The following CLIC4 variants were observed in gnomAD, a reference collection of about 807,000 sequenced individuals.
CLIC4 encodes the protein CLIC family member 4, also known as chloride intracellular channel protein 4.
A neutral mutation model predicts 24.6 loss-of-function variants in CLIC4; 13 were observed. The ratio of observed to expected loss-of-function variants is 0.53; its 90% CI spans 0.34 to 0.84. The LOEUF (loss-of-function observed/expected upper bound fraction) is 0.84. Among genes scored for constraint, CLIC4 ranks in the 40% least tolerant of loss-of-function variants. The pLI is 0.01. For missense variants in CLIC4, 227 were observed against 301.7 expected (o/e 0.75, Z 1.83); for synonymous variants, 104 against 111.3 (o/e 0.93, Z 0.41).
At chr1:24,782,870 T>C (rs1398362969) in intron 1 of CLIC4, among the ~76,000 whole-genome samples, 1 of 152,110 alleles carries the variant, frequency 6.6e-6, no homozygotes, top group Non-Finnish European at 1.5e-5. Context: ...TCCTAGCTAC[T>C]GCAGAGGCTG....
chr1:24,795,677 T>A (rs1325071323), intron 1 of CLIC4, among the ~76,000 whole-genome samples: 1 of 152,182 alleles, frequency 6.6e-6, no homozygotes. Context: ...TTCAAGCAAT[T>A]CTCCTGTCTC....
intron 1 of CLIC4, among the ~76,000 whole-genome samples, chr1:24,786,436 G>C (rs1412100094): frequency 1.3e-5 from 2 of 152,184 alleles, no homozygotes; most frequent in African/African-American, 4.8e-5. Context: ...TACCACAGGG[G>C]TGTGAAGGGA....
At chr1:24,753,237 A>G (rs978311035) in intron 1 of CLIC4, among the ~76,000 whole-genome samples, 4 of 152,210 alleles carry the variant, frequency 2.6e-5, no homozygotes, top group African/African-American at 9.7e-5. Context: ...CTTGGGCTAG[A>G]TGATCACAAA....
intron 3 of CLIC4, among the ~76,000 whole-genome samples, chr1:24,817,306 A>G (rs1042131425): frequency 1.3e-5 from 2 of 151,494 alleles, no homozygotes; most frequent in East Asian, 3.9e-4. Flanking sequence ...TTCTAGATAG[A>G]TCAGCTAGAT....
At chr1:24,839,385 G>A (rs190432311) in intron 4 of CLIC4, among the ~76,000 whole-genome samples, 11 of 152,006 alleles carry the variant, frequency 7.2e-5, no homozygotes, top group Admixed American at 7.2e-4. Context: ...CTGCAAGCTC[G>A]GCCTCCCGGG....
intron 1 of CLIC4, among the ~76,000 whole-genome samples, chr1:24,795,797 C>T (rs998726636): frequency 3.9e-5 from 6 of 151,900 alleles, no homozygotes; most frequent in Admixed American, 3.3e-4. Flanking sequence ...CTCAAACTCC[C>T]GACCTTGTGA....
At position 24,841,087 on chromosome 1, in the gene CLIC4, T is replaced by C; in HGVS notation, c.*150T>C. 1 of 568,156 alleles carries C rather than the reference T, an allele frequency of 1.8e-6. No individual in the cohort carries two copies. The highest frequency in any genetic ancestry group is 2.9e-6 in the Non-Finnish European group (1 of 345,640). 35.2% of individuals were successfully genotyped at this position (568,156 alleles called of 1,614,324 possible). ...ATCAAGGATAGACAAGGTATAGTAGTTATCTTAAAATATACACTCCTAAGC... is the reference window on the plus strand; with the variant it reads ...ATCAAGGATAGACAAGGTATAGTAGCTATCTTAAAATATACACTCCTAAGC... On this transcript the variant is annotated 3_prime_UTR_variant, in exon 6 of 6. Coordinates refer to ENST00000374379, the MANE Select transcript of CLIC4 (RefSeq NM_013943.3).
chr1:24,755,571 T>C (rs1043509735), intron 1 of CLIC4, among the ~76,000 whole-genome samples: 1 of 151,512 alleles, frequency 6.6e-6, no homozygotes, highest in Non-Finnish European at 1.5e-5. Flanking sequence ...ATTGTGCCAC[T>C]GCACTCTGGC....
intron 3 of CLIC4, among the ~76,000 whole-genome samples, chr1:24,820,096 T>TATATATATATATATATATATAC (rs1557812358): frequency 4.6e-5 from 5 of 109,888 alleles, no homozygotes; most frequent in African/African-American, 1.6e-4. Flanking sequence ...TATATATATA[T>TATATATATATATATATATATAC]AGACAGTATC....
At chr1:24,773,763 A>G (rs1218130293) in intron 1 of CLIC4, among the ~76,000 whole-genome samples, 2 of 151,442 alleles carry the variant, frequency 1.3e-5, no homozygotes, top group Non-Finnish European at 2.9e-5. Context: ...TATCTGGCTA[A>G]TTTTCTTATT....
At position 24,841,998 on chromosome 1, in the gene CLIC4, A is replaced by G. The variant is rs1026029800; in HGVS notation, c.*1061A>G. The G allele has an allele frequency of 1.3e-5, 2 of 152,640 alleles. No individual in the cohort carries two copies. Among genetic ancestry groups the G allele is most frequent in the Admixed American group, 6.5e-5 (1 of 15,278 alleles). 9.5% of individuals were successfully genotyped at this position (152,640 alleles called of 1,614,324 possible). On this transcript the variant is annotated 3_prime_UTR_variant, in exon 6 of 6. Coordinates refer to ENST00000374379, the MANE Select transcript of CLIC4 (RefSeq NM_013943.3). ...AGATGACCTAAAGAATGCGTTATCC[A>G]TCCTATATAAAAGAAAGATAAAACA...
At chr1:24,789,936 A>C (rs1639313258) in intron 1 of CLIC4, among the ~76,000 whole-genome samples, 1 of 152,160 alleles carries the variant, frequency 6.6e-6, no homozygotes, top group Non-Finnish European at 1.5e-5. Context: ...TTCTCTTTAA[A>C]CTTCTGACAC....
intron 2 of CLIC4, among the ~76,000 whole-genome samples, chr1:24,808,044 G>A (rs758428425): frequency 2.6e-5 from 4 of 151,672 alleles, no homozygotes; most frequent in African/African-American, 7.3e-5. Flanking sequence ...TTCACCTCCC[G>A]GATTCAAGCA....
chr1:24,796,314 A>C (rs1239806997), intron 1 of CLIC4, among the ~76,000 whole-genome samples: 1 of 151,950 alleles, frequency 6.6e-6, no homozygotes, highest in East Asian at 1.9e-4. Context: ...TCAGCCTCGC[A>C]AGTAGCTGGG....
At chr1:24,763,533 C>CAAA (rs33955013) in intron 1 of CLIC4, among the ~76,000 whole-genome samples, 1,706 of 77,270 alleles carry the variant, frequency 0.022, 12 homozygotes, top group Non-Finnish European at 0.031. Flanking sequence ...ACTCCGTCTC[C>CAAA]AAAAAAAAAA....
In CLIC4 at chr1:24,788,955, C is replaced by T. The variant is rs1437771240; in HGVS notation, c.73-8787C>T. Among the ~76,000 whole-genome samples the T allele has an allele frequency of 2.6e-5, 4 of 152,216 alleles. No homozygotes were observed. The South Asian group carries it at 6.2e-4, about 24-fold the overall frequency. ...ACAGAAAAAGCTGTGGCTCCATCCT[C>T]ACCATGCCAGCAAAGGCTGAATTGG... On this transcript the variant is annotated intron_variant, in intron 1 of 5. Transcript: ENST00000374379.
chr1:24,829,282 G>A (rs544472199), intron 4 of CLIC4, among the ~76,000 whole-genome samples: 9 of 152,306 alleles, frequency 5.9e-5, no homozygotes, highest in Middle Eastern at 3.4e-3. Flanking sequence ...ATGCCTGAAT[G>A]CTACAGTTTT....
At chr1:24,756,956 C>G (rs963217525) in intron 1 of CLIC4, among the ~76,000 whole-genome samples, 3 of 151,410 alleles carry the variant, frequency 2.0e-5, no homozygotes, top group African/African-American at 7.3e-5. Flanking sequence ...AGTGCAATGG[C>G]ACGATCTCTG....
At chr1:24,770,206 G>GT (rs1419326000) in intron 1 of CLIC4, among the ~76,000 whole-genome samples, 1 of 151,194 alleles carries the variant, frequency 6.6e-6, no homozygotes, top group Admixed American at 6.6e-5. Context: ...AATGGTTCAA[G>GT]TTTAACAAAA....
Sources: gnomAD v4.1 joint callset for allele counts (sites outside exome capture counted in the v4.1 genomes callset) on GRCh38, gnomAD v4.1.1 for gene constraint, MANE v1.5 for transcripts, NCBI Gene and HGNC (gene_info 2026-07-23, HGNC 2026-07-21) for gene names.